The following C2CD3 variants were observed in gnomAD, a reference collection of about 807,000 sequenced individuals.
The protein encoded by C2CD3 is C2 domain containing 3 centriole elongation regulator.
A neutral mutation model predicts 234.0 loss-of-function variants in C2CD3; 148 were observed. That is an observed-to-expected ratio of 0.63 (90% confidence interval 0.55 to 0.72). The LOEUF is 0.72. C2CD3 is among the 30% of genes least tolerant of loss of function. The probability of loss-of-function intolerance (pLI) is 0.00; values close to 1 mark genes in which losing one functional copy is unlikely to be tolerated. For synonymous variants in C2CD3, 1,000 were observed against 1,035.4 expected, an observed-to-expected ratio of 0.97 and a Z score of 0.66; for missense variants, 2,577 against 2,811.5, an observed-to-expected ratio of 0.92 and a Z score of 1.89.
chr11:74,131,955 A>T (rs1957693911), intron 7 of C2CD3, among the ~76,000 whole-genome samples: 1 of 152,232 alleles, frequency 6.6e-6, no homozygotes, highest in Non-Finnish European at 1.5e-5. Context: ...CAAGACATGA[A>T]TGTAGACAGT....
intron 25 of C2CD3, among the ~76,000 whole-genome samples, chr11:74,056,901 A>ATTTTTTTTTTTTTTTTTTTTTTTTATT (rs3076367): frequency 7.3e-6 from 1 of 136,876 alleles, no homozygotes; most frequent in Non-Finnish European, 1.6e-5. Flanking sequence ...CTTTATTGTA[A>ATTTTTTTTTTTTTTTTTTTTTTTTATT]TTTTTTTTTT....
At chr11:74,057,372 T>C (rs958236556) in intron 25 of C2CD3, 34 bp downstream of exon 25, 8 of 1,612,630 alleles carry the variant, frequency 5.0e-6, no homozygotes, top group Non-Finnish European at 6.8e-6. Context: ...AAAAGCAGAT[T>C]CTGGAAGGCT....
intron 7 of C2CD3, chr11:74,129,200 G>C (rs192331126): frequency 1.2e-5 from 2 of 172,286 alleles, no homozygotes; most frequent in Non-Finnish European, 2.4e-5. Flanking sequence ...CCTCCGGGAC[G>C]GGGTGGCTGC....
chr11:74,165,920 T>C (rs972697423), intron 2 of C2CD3, among the ~76,000 whole-genome samples: 10 of 152,164 alleles, frequency 6.6e-5, no homozygotes, highest in Non-Finnish European at 1.0e-4. Flanking sequence ...TCTTGAACTC[T>C]TGGCCTCAAG....
chr11:74,042,024 T>C lies in C2CD3; in HGVS notation c.5660+30A>G, dbSNP rs547680444. 15 of 1,610,694 alleles carry C rather than the reference T, an allele frequency of 9.3e-6. No individual in the cohort carries two copies. The African/African-American group carries it at 1.9e-4, about 20-fold the overall frequency. ...CATTCACCTTGTGCCCCACTATGGT[T>C]TCCTGTGTCTTTTCTCAGTAGAGCC... On this transcript the variant is annotated intron_variant, in intron 29 of 32. Coordinates refer to ENST00000334126, the MANE Select transcript of C2CD3 (RefSeq NM_001286577.2).
chr11:74,101,618 A>G (rs887159179), intron 14 of C2CD3, among the ~76,000 whole-genome samples: 2 of 152,234 alleles, frequency 1.3e-5, no homozygotes, highest in African/African-American at 2.4e-5. Flanking sequence ...CTTCTGGGAC[A>G]AAGTAACCTT....
At chr11:74,070,052 T>C (rs1418532343) in intron 24 of C2CD3, among the ~76,000 whole-genome samples, 1 of 152,204 alleles carries the variant, frequency 6.6e-6, no homozygotes. Context: ...ATATTGAAGC[T>C]GATTTTACTT....
chr11:74,101,227 T>G (rs1012712639), intron 14 of C2CD3, among the ~76,000 whole-genome samples: 1 of 152,136 alleles, frequency 6.6e-6, no homozygotes, highest in African/African-American at 2.4e-5. Flanking sequence ...AATTGGCCAG[T>G]TGATAGTTGA....
At chr11:74,150,227 T>C (rs1855505609) in intron 3 of C2CD3, among the ~76,000 whole-genome samples, 4 of 151,240 alleles carry the variant, frequency 2.6e-5, no homozygotes, top group African/African-American at 9.7e-5. Flanking sequence ...CCTGTAATCC[T>C]AGCACTTTGA....
At chr11:74,115,352 T>C (rs947019796) in intron 9 of C2CD3, among the ~76,000 whole-genome samples, 3 of 152,090 alleles carry the variant, frequency 2.0e-5, no homozygotes, top group Non-Finnish European at 4.4e-5. Flanking sequence ...GACACAGACC[T>C]TATTTCAGTT....
At chr11:74,082,524 C>T (rs1289886175) in intron 22 of C2CD3, among the ~76,000 whole-genome samples, 1 of 152,136 alleles carries the variant, frequency 6.6e-6, no homozygotes, top group Non-Finnish European at 1.5e-5. Context: ...AAGGCCTTTT[C>T]TGCATCTATT....
At chr11:74,065,506 G>A (rs905249437) in intron 24 of C2CD3, among the ~76,000 whole-genome samples, 11 of 152,166 alleles carry the variant, frequency 7.2e-5, no homozygotes, top group East Asian at 3.9e-4. Flanking sequence ...ACAGTGTGGC[G>A]ATTCCTCAAG....
intron 24 of C2CD3, among the ~76,000 whole-genome samples, chr11:74,067,355 T>C (rs1003259628): frequency 7.9e-5 from 12 of 151,960 alleles, no homozygotes; most frequent in African/African-American, 2.9e-4. Flanking sequence ...GGAAAAAGGC[T>C]GAACCTGGAA....
Position 74,078,485 on chromosome 11 carries a change from G to A in C2CD3, c.4233C>T (p.Thr1411=). The A allele has an allele frequency of 6.2e-7, 1 of 1,614,178 alleles. No homozygotes were observed. Among genetic ancestry groups the A allele is most frequent in the Non-Finnish European group, 8.5e-7 (1 of 1,180,026 alleles). The change falls in exon 23 of 33, where the codon ACC becomes ACT. Residue 1411 remains threonine, a synonymous_variant. Coordinates refer to ENST00000334126, the MANE Select transcript of C2CD3 (RefSeq NM_001286577.2). ...EGEPATVTIS[T]PRLWLPIHCV... is the part of the protein sequence containing the mutation. ...AATGGATGGGCAGCCACAGCCTTGG[G>A]GTGGAGATGGTGACAGTGGCTGGCT...
At chr11:74,044,080 G>A (rs112380975) in intron 28 of C2CD3, among the ~76,000 whole-genome samples, 10 of 152,106 alleles carry the variant, frequency 6.6e-5, no homozygotes, top group African/African-American at 2.4e-4. Context: ...GAGTTCAAGC[G>A]ATCCTCCCAC....
Position 74,034,234 on chromosome 11 carries a change from G to A in C2CD3, c.5926C>T (p.His1976Tyr), listed in dbSNP as rs760321469. 3.9e-6 allele frequency: 6 copies of A among 1,536,176 alleles called. No homozygotes were observed. Among genetic ancestry groups the A allele is most frequent in the Non-Finnish European group, 4.4e-6 (5 of 1,146,904 alleles). Residue 1976 changes from histidine (H) to tyrosine (Y), a missense_variant, in exon 31 of 33, where the codon CAC (histidine) becomes TAC (tyrosine). His to Tyr is a moderately conservative substitution (Grantham distance 83). Transcript: ENST00000334126. ...TTGTTGCTTCTACTCCTGGCTCGGT[G>A]AGAACTCAAAGCTGCTTGCGAATCC... ...TRDSQAALSS[H>Y]RARSRSNKAT...
intron 23 of C2CD3, among the ~76,000 whole-genome samples, chr11:74,077,347 A>G (rs1955080289): frequency 6.6e-6 from 1 of 152,142 alleles, no homozygotes; most frequent in African/African-American, 2.4e-5. Context: ...GATGCACTCT[A>G]GTGCTACGAA....
At chr11:74,098,615 A>C (rs778415211) in intron 15 of C2CD3, among the ~76,000 whole-genome samples, 32 of 152,192 alleles carry the variant, frequency 2.1e-4, no homozygotes, top group Admixed American at 3.3e-4. Context: ...GGTGTCTGAC[A>C]GATAAGATTT....
intron 5 of C2CD3, among the ~76,000 whole-genome samples, chr11:74,133,811 C>T (rs1453334377): frequency 6.6e-6 from 1 of 152,170 alleles, no homozygotes; most frequent in Non-Finnish European, 1.5e-5. Flanking sequence ...AGACTCACCT[C>T]TTGTGGGGGT....
Sources: gnomAD v4.1 joint callset for allele counts (sites outside exome capture counted in the v4.1 genomes callset) on GRCh38, gnomAD v4.1.1 for gene constraint, MANE v1.5 for transcripts, NCBI Gene and HGNC (gene_info 2026-07-23, HGNC 2026-07-21) for gene names.